The following ANAPC1 variants were observed in gnomAD, a reference collection of about 807,000 sequenced individuals.
The protein encoded by ANAPC1 is anaphase-promoting complex subunit 1.
In ANAPC1, 36 loss-of-function variants were observed where a neutral mutation model predicts 208.0. The ratio of observed to expected loss-of-function variants is 0.17; its 90% CI spans 0.13 to 0.23. ANAPC1 has a LOEUF of 0.23. Ranked by LOEUF, ANAPC1 falls within the 10% of genes least tolerant of loss-of-function variation. The pLI, the probability that ANAPC1 is intolerant of heterozygous loss-of-function variation, is 1.00. For missense variants in ANAPC1, 942 were observed against 2,011.6 expected (o/e 0.47, Z 10.17); for synonymous variants, 378 against 695.2 (o/e 0.54, Z 7.18).
chr2:111,850,843 G>A lies in ANAPC1; in HGVS notation c.1583C>T (p.Pro528Leu). Reference sequence around the variant, plus strand: ...ACTAACGCCATCTAGTGGAGTACTGGGCCGAGGCATTGTGTTGGACATCGT... The same window carrying A: ...ACTAACGCCATCTAGTGGAGTACTGAGCCGAGGCATTGTGTTGGACATCGT... The part of the protein sequence containing the change: ...SLTMSNTMPR[P>L]STPLDGVSTP... Residue 528 changes from proline (P) to leucine (L), a missense_variant, in exon 14 of 48, where the codon CCC becomes CTC. Physicochemically the swap from Pro to Leu is moderately conservative, Grantham distance 98. Transcript: ENST00000341068. The A allele has an allele frequency of 6.2e-7, 1 of 1,611,836 alleles. No individual in the cohort carries two copies. Among genetic ancestry groups the A allele is most frequent in the African/African-American group, 1.3e-5 (1 of 74,918 alleles).
intron 46 of ANAPC1, among the ~76,000 whole-genome samples, chr2:111,772,803 T>C (rs550991739): frequency 6.6e-6 from 1 of 152,236 alleles, no homozygotes; most frequent in African/African-American, 2.4e-5. Flanking sequence ...CTCCACCATA[T>C]ATTATATTTG....
chr2:111,846,548 TA>T (rs1558715821), intron 16 of ANAPC1, among the ~76,000 whole-genome samples: 115 of 61,206 alleles, frequency 1.9e-3, no homozygotes, highest in Non-Finnish European at 2.8e-3. Flanking sequence ...TATATATATA[TA>T]TATATATATA....
At chr2:111,862,707 G>C (rs550323229) in intron 9 of ANAPC1, 109 bp from the exon 10 acceptor site, 2 of 1,420,138 alleles carry the variant, frequency 1.4e-6, no homozygotes, top group African/African-American at 2.9e-5. Context: ...AGCATTCATG[G>C]CATAATCCAG....
In ANAPC1 at chr2:111,868,181, A is replaced by C. The variant is rs533310396; in HGVS notation, c.612-85T>G. The C allele has an allele frequency of 3.0e-5, 24 of 790,808 alleles. No individual in the cohort carries two copies. The East Asian group carries it at 6.3e-4, about 21-fold the overall frequency. 49.0% of individuals were successfully genotyped at this position (790,808 alleles called of 1,614,324 possible). The stretch of plus-strand genomic sequence containing the variant: ...GCACTTCTATTGAAAAGAAATCTCC[A>C]GATTACATGAGCAACTAGAAACCTA... On this transcript the variant is annotated intron_variant, in intron 6 of 47. Transcript: ENST00000341068.
intron 13 of ANAPC1, among the ~76,000 whole-genome samples, chr2:111,855,961 C>T (rs1475103035): frequency 1.3e-5 from 2 of 152,128 alleles, no homozygotes; most frequent in Non-Finnish European, 2.9e-5. Flanking sequence ...AGCGGCTGGG[C>T]GCGGTGGCTC....
At chr2:111,769,546 T>C (rs1676604825) in intron 47 of ANAPC1, 140 bp from the exon 48 acceptor site, 1 of 611,114 alleles carries the variant, frequency 1.6e-6, no homozygotes, top group East Asian at 2.8e-5. Flanking sequence ...AGACAATATT[T>C]AAAATTATGA....
chr2:111,846,258 T>A (rs1387781374), intron 16 of ANAPC1, among the ~76,000 whole-genome samples: 1 of 151,708 alleles, frequency 6.6e-6, no homozygotes, highest in Non-Finnish European at 1.5e-5. Flanking sequence ...TCAAGCATTT[T>A]TGAAATTGCA....
chr2:111,780,994 T>C (rs1677242408), intron 43 of ANAPC1, among the ~76,000 whole-genome samples: 2 of 151,124 alleles, frequency 1.3e-5, no homozygotes, highest in South Asian at 4.2e-4. Flanking sequence ...TAGAGATGGA[T>C]GGTGGTGATG....
intron 21 of ANAPC1, 68 bp from the exon 22 acceptor site, chr2:111,825,923 C>G (rs1679808814): frequency 1.1e-5 from 17 of 1,510,812 alleles, no homozygotes; most frequent in Non-Finnish European, 1.5e-5. Context: ...GTCACCCAGG[C>G]TGGAGTGCAG....
At chr2:111,766,789 G>A (rs1258105784), downstream of ANAPC1, 3 of 375,270 alleles carry the variant, frequency 8.0e-6, no homozygotes, top group Admixed American at 3.7e-5. Context: ...TCATCAGGCT[G>A]AGAGATGAAA....
chr2:111,842,689 A>G (rs1477096875), intron 17 of ANAPC1, among the ~76,000 whole-genome samples: 1 of 151,980 alleles, frequency 6.6e-6, no homozygotes, highest in African/African-American at 2.4e-5. Flanking sequence ...GCTAAAACAT[A>G]TAGAATGGTA....
At chr2:111,839,284 T>C (rs1680634322) in intron 17 of ANAPC1, among the ~76,000 whole-genome samples, 1 of 152,270 alleles carries the variant, frequency 6.6e-6, no homozygotes, top group Admixed American at 6.5e-5. Flanking sequence ...ACAGACATTT[T>C]TATTGTGTTT....
At chr2:111,811,110 G>T (rs1678971226) in intron 28 of ANAPC1, among the ~76,000 whole-genome samples, 1 of 152,026 alleles carries the variant, frequency 6.6e-6, no homozygotes, top group Non-Finnish European at 1.5e-5. Flanking sequence ...TCTGGCCAAG[G>T]GTACATCCGA....
chr2:111,798,451 T>G (rs568482114), intron 34 of ANAPC1, among the ~76,000 whole-genome samples: 225 of 152,086 alleles, frequency 1.5e-3, no homozygotes, highest in African/African-American at 4.9e-3. Flanking sequence ...TCTGATGAGC[T>G]TCCCTGGTAG....
rs1265115518 is a variant in ANAPC1 at position 111,767,895 on chromosome 2, C to T, written c.*1396G>A. On this transcript the variant is annotated 3_prime_UTR_variant, in exon 48 of 48. Transcript: ENST00000341068. Reference sequence around the variant, plus strand: ...AAGAAGCGAGTCCTCGGGGCAGCCACGCAAATGCAAGGACAGAGAGTCCAG... The same window carrying T: ...AAGAAGCGAGTCCTCGGGGCAGCCATGCAAATGCAAGGACAGAGAGTCCAG... 6.6e-6 allele frequency: 1 copy of T among 152,258 alleles called. No individual in the cohort carries two copies. Among genetic ancestry groups the T allele is most frequent in the Non-Finnish European group, 1.5e-5 (1 of 68,060 alleles). The allele number at this position is 152,258 out of a possible 1,614,324, so 9.4% of individuals were successfully genotyped here.
intron 13 of ANAPC1, 46 bp from the exon 14 acceptor site, chr2:111,850,956 G>T (rs1237221236): frequency 9.5e-6 from 15 of 1,575,734 alleles, no homozygotes; most frequent in Non-Finnish European, 1.3e-5. Context: ...TGCCTTTAAT[G>T]CATCATATCC....
chr2:111,878,233 C>A lies in ANAPC1; in HGVS notation c.375+577G>T, dbSNP rs1250096451. Among the ~76,000 whole-genome samples, 5 of 152,212 alleles carry A rather than the reference C, an allele frequency of 3.3e-5. No homozygotes were observed. The South Asian group carries it at 6.2e-4, about 19-fold the overall frequency. On this transcript the variant is annotated intron_variant, in intron 3 of 47. Coordinates refer to ENST00000341068, the MANE Select transcript of ANAPC1 (RefSeq NM_022662.4). ...GTTACAAAATGGTGATATTCTAATT[C>A]TACAATTCCTTTTACACTTATTAGC... is the stretch of plus-strand genomic sequence containing the variant.
intron 44 of ANAPC1, chr2:111,779,204 C>T (rs1178360399): frequency 1.2e-5 from 2 of 160,066 alleles, no homozygotes; most frequent in South Asian, 1.7e-4. Context: ...AGACCCGTGA[C>T]CTGGAGTGCA....
At chr2:111,836,692 G>A (rs539123245) in intron 18 of ANAPC1, among the ~76,000 whole-genome samples, 75 of 151,664 alleles carry the variant, frequency 4.9e-4, no homozygotes, top group Non-Finnish European at 9.3e-4. Context: ...CCACGGGCCC[G>A]GCATGGTGGC....
Sources: allele counts gnomAD v4.1 joint callset (sites outside exome capture counted in the v4.1 genomes callset), GRCh38; gene constraint gnomAD v4.1.1; transcripts MANE v1.5; gene names NCBI Gene and HGNC (gene_info 2026-07-23, HGNC 2026-07-21).